The following CACNA2D1 variants were observed in gnomAD, a reference collection of about 807,000 sequenced individuals.
CACNA2D1 encodes calcium voltage-gated channel auxiliary subunit alpha2delta 1.
Under a neutral mutation model 171.5 loss-of-function variants are expected in CACNA2D1, and 53 were observed. The ratio of observed to expected loss-of-function variants is 0.31; its 90% confidence interval spans 0.25 to 0.39. The LOEUF (loss-of-function observed/expected upper bound fraction) is 0.39, where lower values mean the gene tolerates loss of function less well. CACNA2D1 is among the 10% of genes least tolerant of loss of function. The pLI is 1.00. For synonymous variants in CACNA2D1, 442 were observed against 443.1 expected, an observed-to-expected ratio of 1.00 and a Z score of 0.03; for missense variants, 903 against 1,299.8, an observed-to-expected ratio of 0.69 and a Z score of 4.69.
At chr7:82,224,388 C>T (rs924244798) in intron 3 of CACNA2D1, among the ~76,000 whole-genome samples, 9 of 151,994 alleles carry the variant, frequency 5.9e-5, no homozygotes, top group East Asian at 1.9e-4. Context: ...GGAAACAAGA[C>T]CATCCTGGCC....
intron 3 of CACNA2D1, among the ~76,000 whole-genome samples, chr7:82,208,760 T>C (rs1248947222): frequency 6.6e-6 from 1 of 152,072 alleles, no homozygotes; most frequent in East Asian, 1.9e-4. Context: ...AGTTCAAGAG[T>C]TGCATTGTAC....
intron 16 of CACNA2D1, 48 bp from the exon 17 acceptor site, chr7:82,005,887 A>T: frequency 9.8e-7 from 1 of 1,024,726 alleles, no homozygotes. Flanking sequence ...AAATTTACGT[A>T]TTTTTACACA....
chr7:81,974,470 G>T lies in CACNA2D1; in HGVS notation c.2038C>A (p.Pro680Thr), dbSNP rs2130500889. Residue 680 changes from proline to threonine, a missense_variant, in exon 25 of 39, where the codon CCA (proline) becomes ACA (threonine). Coordinates refer to ENST00000356860, the MANE Select transcript of CACNA2D1 (RefSeq NM_000722.4). ...GCATACTTACATGATGGGTTGTTTG[G>T]AGTTTTTCTATCAATAAACTCGTTG... ...NFNEFIDRKT[P>T]NNPSCNADLI... 1.3e-6 allele frequency: 2 copies of T among 1,536,694 alleles called. No homozygotes were observed.
At chr7:82,252,272 G>A (rs144366323) in intron 3 of CACNA2D1, among the ~76,000 whole-genome samples, 3 of 152,092 alleles carry the variant, frequency 2.0e-5, no homozygotes, top group African/African-American at 7.2e-5. Context: ...TTACAACTAT[G>A]CTCTGAGGTA....
rs572436024 is a variant in CACNA2D1, at chr7:82,394,545, T to C, written c.96-44896A>G. Among the ~76,000 whole-genome samples the C allele has an allele frequency of 3.3e-5, 5 of 152,252 alleles. No homozygotes were observed. In the East Asian group the frequency reaches 9.7e-4, roughly 29 times the overall value. ...GCAGTACAAGTTTGCTTCAAAGACA[T>C]TTTTTGAGAGTTGTACCTTGTATTT... On this transcript the variant is annotated intron_variant, in intron 1 of 38. Transcript: ENST00000356860.
chr7:82,217,357 A>AT lies in CACNA2D1; in HGVS notation c.295-46749_295-46748insA, dbSNP rs199751133. Among the ~76,000 whole-genome samples the AT allele has an allele frequency of 9.2e-3, 1,096 of 119,004 alleles. 22 individuals are homozygous for AT. Among genetic ancestry groups the AT allele is most frequent in the African/African-American group, 0.026 (858 of 33,048 alleles). 78.1% of individuals were successfully genotyped at this position (119,004 alleles called of 152,430 possible). On this transcript the variant is annotated intron_variant, in intron 3 of 38. Transcript: ENST00000356860. ...GTTGCATCCTGCCTTTTTAAAAAAA[A>AT]AATATATATATACACACATATACAC... is the stretch of plus-strand genomic sequence containing the variant.
intron 1 of CACNA2D1, among the ~76,000 whole-genome samples, chr7:82,435,915 A>C (rs1210378085): frequency 2.6e-5 from 4 of 152,216 alleles, no homozygotes; most frequent in Admixed American, 6.5e-5. Flanking sequence ...ATAGCTACCA[A>C]CATCACTTCC....
At chr7:82,420,758 T>C (rs766245708) in intron 1 of CACNA2D1, among the ~76,000 whole-genome samples, 27 of 152,136 alleles carry the variant, frequency 1.8e-4, no homozygotes, top group Non-Finnish European at 3.8e-4. Context: ...AAATTTGTAT[T>C]ATGTTTTACG....
At chr7:81,979,476 T>G (rs1796224327) in intron 24 of CACNA2D1, among the ~76,000 whole-genome samples, 1 of 152,124 alleles carries the variant, frequency 6.6e-6, no homozygotes. Context: ...ATAGTGAAGC[T>G]GAGAAAGCCA....
At chr7:82,370,961 TG>T (rs1822340715) in intron 1 of CACNA2D1, among the ~76,000 whole-genome samples, 1 of 152,128 alleles carries the variant, frequency 6.6e-6, no homozygotes. Context: ...CAAATGTATA[TG>T]TAAAAAAATA....
chr7:82,417,480 A>G (rs1199128783), intron 1 of CACNA2D1, among the ~76,000 whole-genome samples: 1 of 152,240 alleles, frequency 6.6e-6, no homozygotes, highest in Non-Finnish European at 1.5e-5. Context: ...AAACTCACTG[A>G]TGTGACAAAA....
chr7:82,147,663 C>G (rs1167103837), intron 4 of CACNA2D1, among the ~76,000 whole-genome samples: 1 of 152,182 alleles, frequency 6.6e-6, no homozygotes, highest in Non-Finnish European at 1.5e-5. Context: ...AGCAAGAGAG[C>G]TGTTAATTTG....
chr7:81,960,392 T>G (rs1015440962), intron 36 of CACNA2D1, among the ~76,000 whole-genome samples: 3 of 152,048 alleles, frequency 2.0e-5, no homozygotes, highest in South Asian at 2.1e-4. Flanking sequence ...ATTTTAATTC[T>G]AATTAATTTA....
chr7:82,034,358 G>T (rs1326153639), intron 11 of CACNA2D1, among the ~76,000 whole-genome samples: 1 of 152,002 alleles, frequency 6.6e-6, no homozygotes, highest in Admixed American at 6.6e-5. Flanking sequence ...ATTTTCCCTT[G>T]TGAAAATTAA....
At chr7:82,125,280 T>C (rs1177648756) in intron 5 of CACNA2D1, among the ~76,000 whole-genome samples, 3 of 152,232 alleles carry the variant, frequency 2.0e-5, no homozygotes, top group Non-Finnish European at 4.4e-5. Context: ...ATTTGAATTT[T>C]AGACAGATCT....
At chr7:81,953,910 T>G (rs1023517912) in intron 38 of CACNA2D1, among the ~76,000 whole-genome samples, 1 of 152,128 alleles carries the variant, frequency 6.6e-6, no homozygotes, top group Non-Finnish European at 1.5e-5. Flanking sequence ...TTTAATTTCC[T>G]CTGTGTGATG....
rs570552535 is a variant in CACNA2D1, at chr7:82,276,310, A to T, written c.294+58825T>A. Among the ~76,000 whole-genome samples the T allele has an allele frequency of 3.3e-5, 5 of 152,290 alleles. No homozygotes were observed. In the South Asian group the frequency reaches 1.0e-3, roughly 32 times the overall value. ...GAGAAATCAAAAGCTTGTTTTCCCT[A>T]CTTCCTTCGCACCTGGGACTTGGCC... On this transcript the variant is annotated intron_variant, in intron 3 of 38. Coordinates refer to ENST00000356860, the MANE Select transcript of CACNA2D1 (RefSeq NM_000722.4).
At chr7:82,088,164 G>A (rs969465598) in intron 6 of CACNA2D1, among the ~76,000 whole-genome samples, 1 of 152,030 alleles carries the variant, frequency 6.6e-6, no homozygotes, top group African/African-American at 2.4e-5. Flanking sequence ...GTTAAAAGTT[G>A]TTTTTCAGGA....
intron 3 of CACNA2D1, among the ~76,000 whole-genome samples, chr7:82,200,040 A>G (rs913005631): frequency 1.3e-5 from 2 of 152,132 alleles, no homozygotes; most frequent in African/African-American, 4.8e-5. Flanking sequence ...CCTATAGGAC[A>G]GAAATTGGAA....
Sources: allele counts gnomAD v4.1 joint callset (sites outside exome capture counted in the v4.1 genomes callset), GRCh38; gene constraint gnomAD v4.1.1; transcripts MANE v1.5; gene names NCBI Gene and HGNC (gene_info 2026-07-23, HGNC 2026-07-21).